The following CORO2A variants were observed in gnomAD, a reference collection of about 807,000 sequenced individuals.
The protein encoded by CORO2A is coronin-2A.
Under a neutral mutation model 62.4 loss-of-function variants are expected in CORO2A, and 47 were observed. That is an observed-to-expected ratio of 0.75 (90% CI 0.60 to 0.96). CORO2A has a LOEUF of 0.96. Ranked by LOEUF, CORO2A falls within the 40% of genes least tolerant of loss-of-function variation. The pLI is 0.00. For synonymous variants in CORO2A, 273 were observed against 268.9 expected, an observed-to-expected ratio of 1.02 and a Z score of -0.15; for missense variants, 610 against 684.1, an observed-to-expected ratio of 0.89 and a Z score of 1.21.
chr9:98,158,836 A>ACACAC (rs1827841910), intron 1 of CORO2A, among the ~76,000 whole-genome samples: 1 of 149,254 alleles, frequency 6.7e-6, no homozygotes, highest in East Asian at 2.0e-4. Context: ...AAAAGAAGAA[A>ACACAC]ACACACACAC....
chr9:98,124,061 T>G lies in CORO2A; in HGVS notation c.*713A>C, dbSNP rs1055165609. On this transcript the variant is annotated 3_prime_UTR_variant, in exon 12 of 12. Coordinates refer to ENST00000375077, the MANE Select transcript of CORO2A (RefSeq NM_052820.4). ...AGACTTTTGCTCTTATTGCCCAGGT[T>G]AGAGTGCAGTGGCACAATCTCAGCT... The G allele has an allele frequency of 6.6e-6, 1 of 151,190 alleles. No homozygotes were observed. Among genetic ancestry groups the G allele is most frequent in the African/African-American group, 2.4e-5 (1 of 41,080 alleles). The allele number at this position is 151,190 out of a possible 1,614,324, so 9.4% of individuals were successfully genotyped here.
At chr9:98,156,385 T>G (rs1827803123) in intron 2 of CORO2A, among the ~76,000 whole-genome samples, 1 of 152,206 alleles carries the variant, frequency 6.6e-6, no homozygotes. Context: ...TTAGGCTTCC[T>G]TCTTTTCTAA....
chr9:98,137,740 A>G (rs1482422693), intron 2 of CORO2A, 52 bp from the exon 3 acceptor site: 1 of 1,317,828 alleles, frequency 7.6e-7, no homozygotes, highest in African/African-American at 1.4e-5. Context: ...CCACATTAGC[A>G]TCTGGACAGT....
At chr9:98,169,503 C>A (rs371707565) in intron 1 of CORO2A, among the ~76,000 whole-genome samples, 1 of 151,980 alleles carries the variant, frequency 6.6e-6, no homozygotes, top group East Asian at 1.9e-4. Flanking sequence ...ACTCAGGCCT[C>A]GCATATTCCA....
chr9:98,141,536 T>G (rs1400241282), intron 2 of CORO2A, among the ~76,000 whole-genome samples: 1 of 152,052 alleles, frequency 6.6e-6, no homozygotes, highest in Non-Finnish European at 1.5e-5. Context: ...TATTTTTTAG[T>G]AGGGACGGGG....
chr9:98,163,139 C>A (rs1334353939), intron 1 of CORO2A, among the ~76,000 whole-genome samples: 2 of 152,266 alleles, frequency 1.3e-5, no homozygotes, highest in Non-Finnish European at 2.9e-5. Context: ...GAATTCCCAA[C>A]TCCCAGAAAG....
At chr9:98,126,434 C>T in intron 11 of CORO2A, 115 bp downstream of exon 11, 1 of 1,377,474 alleles carries the variant, frequency 7.3e-7, no homozygotes. Flanking sequence ...CTAGGCCAGG[C>T]CACACAGCTG....
intron 1 of CORO2A, among the ~76,000 whole-genome samples, chr9:98,166,120 GTA>G (rs1401048828): frequency 2.0e-5 from 3 of 152,196 alleles, no homozygotes; most frequent in African/African-American, 7.2e-5. Context: ...TGCACACAGA[GTA>G]TGGAGAAACA....
At chr9:98,140,221 C>T (rs555762170) in intron 2 of CORO2A, among the ~76,000 whole-genome samples, 1 of 152,286 alleles carries the variant, frequency 6.6e-6, no homozygotes, top group African/African-American at 2.4e-5. Context: ...GAAAACTGGC[C>T]AACATCCATC....
At chr9:98,133,310 T>G in intron 4 of CORO2A, 93 bp from the exon 5 acceptor site, 1 of 1,293,002 alleles carries the variant, frequency 7.7e-7, no homozygotes, top group South Asian at 1.4e-5. Flanking sequence ...AAACACAGTA[T>G]CCCTGGGAGG....
rs1827285450 is a variant in CORO2A, at chr9:98,124,328, C to G, written c.*446G>C. On this transcript the variant is annotated 3_prime_UTR_variant, in exon 12 of 12. Transcript: ENST00000375077. ...TGCGCCTGGTGAGACTGGTTTCAAA[C>G]TCCCGACCTCAAGCAATCCGCCCAC... 1 of 152,492 alleles carries G rather than the reference C, an allele frequency of 6.6e-6. No individual in the cohort carries two copies. Among genetic ancestry groups the G allele is most frequent in the African/African-American group, 2.4e-5 (1 of 41,314 alleles). The allele number at this position is 152,492 out of a possible 1,614,324, so 9.4% of individuals were successfully genotyped here.
chr9:98,164,790 A>C (rs1233679494), intron 1 of CORO2A, among the ~76,000 whole-genome samples: 2 of 152,174 alleles, frequency 1.3e-5, no homozygotes, highest in Non-Finnish European at 2.9e-5. Context: ...CAAAGCAAAA[A>C]GGGTCCTTGC....
intron 2 of CORO2A, among the ~76,000 whole-genome samples, chr9:98,141,733 A>G (rs1827571788): frequency 6.6e-6 from 1 of 152,222 alleles, no homozygotes; most frequent in Non-Finnish European, 1.5e-5. Context: ...AAACCTGAGC[A>G]TGTTGTGCAC....
intron 4 of CORO2A, among the ~76,000 whole-genome samples, chr9:98,133,899 C>T (rs566960620): frequency 2.0e-5 from 3 of 151,544 alleles, no homozygotes; most frequent in Non-Finnish European, 4.4e-5. Flanking sequence ...GACTACTTGA[C>T]GCATTTTCCC....
chr9:98,188,002 G>T (rs1335129625), intron 1 of CORO2A, among the ~76,000 whole-genome samples: 1 of 152,182 alleles, frequency 6.6e-6, no homozygotes, highest in African/African-American at 2.4e-5. Flanking sequence ...ACACTCGCAG[G>T]ATTCCATTAT....
chr9:98,129,383 G>A (rs1261353695), intron 8 of CORO2A, among the ~76,000 whole-genome samples: 1 of 152,156 alleles, frequency 6.6e-6, no homozygotes, highest in Non-Finnish European at 1.5e-5. Context: ...TGGGTTTCTT[G>A]TAGATTACAG....
rs201681785 is a variant in CORO2A, at chr9:98,156,544, T to C, written c.201+916A>G. ...GGCCTATAAATTATTTAGAAATAGT[T>C]TTTAAGTTTCCAAATGAATGGGAAT... On this transcript the variant is annotated intron_variant, in intron 2 of 11. Coordinates refer to ENST00000375077, the MANE Select transcript of CORO2A (RefSeq NM_052820.4). Among the ~76,000 whole-genome samples, 7 of 152,382 alleles carry C rather than the reference T, an allele frequency of 4.6e-5. No individual in the cohort carries two copies. In the East Asian group the frequency reaches 1.3e-3, roughly 29 times the overall value.
intron 1 of CORO2A, 80 bp downstream of exon 1, chr9:98,192,479 A>ATCCGGGGG (rs1828316654): frequency 2.5e-4 from 1 of 3,924 alleles, no homozygotes; most frequent in African/African-American, 2.7e-3. Flanking sequence ...CGGGAGCTGC[A>ATCCGGGGG]GCCGCAGCGC....
chr9:98,136,209 A>C (rs1363216698), intron 3 of CORO2A, among the ~76,000 whole-genome samples: 2 of 152,218 alleles, frequency 1.3e-5, no homozygotes, highest in Admixed American at 1.3e-4. Flanking sequence ...GGTATCACAA[A>C]AGTGGGGACA....
Sources: allele counts gnomAD v4.1 joint callset (sites outside exome capture counted in the v4.1 genomes callset), GRCh38; gene constraint gnomAD v4.1.1; transcripts MANE v1.5; gene names NCBI Gene and HGNC (gene_info 2026-07-23, HGNC 2026-07-21).